The following ARB2A variants were observed in gnomAD, a reference collection of about 807,000 sequenced individuals.
The protein encoded by ARB2A is cotranscriptional regulator ARB2A.
the ARB2A span, among the ~76,000 whole-genome samples, chr5:93,852,694 C>T: frequency 6.6e-6 from 1 of 152,130 alleles, no homozygotes; most frequent in South Asian, 2.1e-4. Context: ...TTTCCCAGCA[C>T]CATTTATTAA....
chr5:94,003,631 T>TA, the ARB2A span, among the ~76,000 whole-genome samples: 1 of 151,862 alleles, frequency 6.6e-6, no homozygotes, highest in African/African-American at 2.4e-5. Flanking sequence ...ATGAAATACT[T>TA]AGACACAAAA....
At chr5:93,711,744 C>T in the ARB2A span, among the ~76,000 whole-genome samples, 2 of 152,236 alleles carry the variant, frequency 1.3e-5, no homozygotes, top group Non-Finnish European at 1.5e-5. Flanking sequence ...AGCAGTGCTT[C>T]CAGAGCATGA....
the ARB2A span, among the ~76,000 whole-genome samples, chr5:94,058,318 T>C: frequency 6.6e-6 from 1 of 152,134 alleles, no homozygotes; most frequent in Non-Finnish European, 1.5e-5. Flanking sequence ...TCCAATAATG[T>C]ATAATTTACA....
At chr5:93,952,545 G>C in the ARB2A span, among the ~76,000 whole-genome samples, 1 of 152,128 alleles carries the variant, frequency 6.6e-6, no homozygotes, top group African/African-American at 2.4e-5. Context: ...AGAAGTATTG[G>C]AGCTCCATCG....
the ARB2A span, among the ~76,000 whole-genome samples, chr5:93,838,858 G>A: frequency 6.6e-5 from 10 of 152,096 alleles, no homozygotes; most frequent in African/African-American, 2.4e-4. Context: ...CTGTTGTTTG[G>A]TGTATAGGAA....
At chr5:93,932,886 A>G in the ARB2A span, among the ~76,000 whole-genome samples, 1 of 152,158 alleles carries the variant, frequency 6.6e-6, no homozygotes, top group Non-Finnish European at 1.5e-5. Flanking sequence ...AAAATGTGAT[A>G]TGTGTTAAGT....
the ARB2A span, among the ~76,000 whole-genome samples, chr5:94,012,633 G>A: frequency 5.0e-3 from 761 of 152,214 alleles, 6 homozygotes; most frequent in African/African-American, 0.016. Context: ...ATCAGGGAGC[G>A]ACTCAAGAGC....
the ARB2A span, among the ~76,000 whole-genome samples, chr5:93,875,915 T>C: frequency 3.3e-5 from 5 of 152,134 alleles, no homozygotes; most frequent in Non-Finnish European, 7.4e-5. Context: ...AAAAGCAGTG[T>C]ATCTGTAGTT....
chr5:93,765,136 A>C, the ARB2A span, among the ~76,000 whole-genome samples: 1 of 152,244 alleles, frequency 6.6e-6, no homozygotes, highest in East Asian at 1.9e-4. Flanking sequence ...AACTGGCGTA[A>C]GACAGGGATG....
At chr5:94,091,843 T>C in the ARB2A span, among the ~76,000 whole-genome samples, 1 of 152,296 alleles carries the variant, frequency 6.6e-6, no homozygotes, top group South Asian at 2.1e-4. Flanking sequence ...TATTCTCCTA[T>C]ACAGCTTAGC....
the ARB2A span, chr5:93,621,180 C>T: frequency 6.6e-7 from 1 of 1,521,710 alleles, no homozygotes; most frequent in Admixed American, 1.9e-5. Flanking sequence ...GGGCCAGGCG[C>T]GGTGAGGGCG....
the ARB2A span, among the ~76,000 whole-genome samples, chr5:93,793,239 A>T: frequency 3.1e-5 from 2 of 64,776 alleles, no homozygotes; most frequent in East Asian, 5.4e-4. Context: ...CTTCTGGCTA[A>T]TTTTTTTTTT....
At chr5:93,996,545 T>A in the ARB2A span, among the ~76,000 whole-genome samples, 1 of 152,042 alleles carries the variant, frequency 6.6e-6, no homozygotes, top group Non-Finnish European at 1.5e-5. Context: ...ATTTCTTGCA[T>A]TGGCCCCTAT....
the ARB2A span, among the ~76,000 whole-genome samples, chr5:93,852,130 T>C: frequency 1.6e-3 from 246 of 152,310 alleles, no homozygotes; most frequent in African/African-American, 5.6e-3. Flanking sequence ...TTCCTGACTT[T>C]TTAATGATTG....
the ARB2A span, among the ~76,000 whole-genome samples, chr5:93,780,164 A>G: frequency 6.6e-6 from 1 of 152,094 alleles, no homozygotes; most frequent in African/African-American, 2.4e-5. Flanking sequence ...TTTAATGTGA[A>G]AGGTTTTGTG....
At chr5:93,834,705 C>G in the ARB2A span, among the ~76,000 whole-genome samples, 1 of 152,076 alleles carries the variant, frequency 6.6e-6, no homozygotes, top group South Asian at 2.1e-4. Context: ...ATAATACATA[C>G]TAAAATCCCA....
At chr5:93,968,942 C>A in the ARB2A span, among the ~76,000 whole-genome samples, 20 of 151,452 alleles carry the variant, frequency 1.3e-4, no homozygotes, top group Admixed American at 2.0e-4. Context: ...AATTTTATAT[C>A]CTGCAAAGTT....
chr5:94,015,107 T>C, the ARB2A span, among the ~76,000 whole-genome samples: 2 of 151,936 alleles, frequency 1.3e-5, no homozygotes, highest in South Asian at 4.2e-4. Flanking sequence ...ATAATCTAAC[T>C]GTCAAAAGTC....
At chr5:93,895,609 A>C in the ARB2A span, among the ~76,000 whole-genome samples, 3 of 152,146 alleles carry the variant, frequency 2.0e-5, no homozygotes, top group Non-Finnish European at 2.9e-5. Flanking sequence ...GTGACTTTTT[A>C]AGTTAAATTT....
Sources: gnomAD v4.1 joint callset for allele counts (sites outside exome capture counted in the v4.1 genomes callset) on GRCh38, gnomAD v4.1.1 for gene constraint, MANE v1.5 for transcripts, NCBI Gene and HGNC (gene_info 2026-07-23, HGNC 2026-07-21) for gene names.